Variants in PHKB observed in about 807,000 individuals in gnomAD.
PHKB encodes the protein phosphorylase kinase regulatory subunit beta, also known as phosphorylase b kinase regulatory subunit beta.
In PHKB, 122 loss-of-function variants were observed where a neutral mutation model predicts 152.1. The observed-to-expected ratio is 0.80, with a 90% CI of 0.69 to 0.93. The LOEUF (loss-of-function observed/expected upper bound fraction) is 0.93. Among genes scored for constraint, PHKB ranks in the 40% least tolerant of loss-of-function variants. The pLI, the probability that PHKB is intolerant of heterozygous loss-of-function variation, is 0.00. For synonymous variants in PHKB, 436 were observed against 464.9 expected (o/e 0.94, Z 0.80); for missense variants, 1,304 against 1,328.4 (o/e 0.98, Z 0.29).
chr16:47,499,322 G>A (rs1276682871), intron 2 of PHKB, among the ~76,000 whole-genome samples: 1 of 152,172 alleles, frequency 6.6e-6, no homozygotes, highest in East Asian at 1.9e-4. Flanking sequence ...TGTAGCAGTT[G>A]AGGTGGCTTT....
Position 47,633,876 on chromosome 16 carries a change from T to C in PHKB, c.1459-7159T>C, listed in dbSNP as rs139257664. Among the ~76,000 whole-genome samples the C allele has an allele frequency of 2.4e-3, 360 of 152,330 alleles. 1 individual carries two copies. The highest frequency in any genetic ancestry group is 4.5e-3 in the Non-Finnish European group (304 of 68,026). ...ATATCTGTTTACTAACTCTTCTCTG[T>C]CTCTTTTCTTCATGCATTCAAGAAA... On this transcript the variant is annotated intron_variant, in intron 14 of 30. Coordinates refer to ENST00000323584, the MANE Select transcript of PHKB (RefSeq NM_000293.3).
intron 7 of PHKB, among the ~76,000 whole-genome samples, chr16:47,569,925 G>A (rs1035864834): frequency 6.6e-6 from 1 of 152,150 alleles, no homozygotes; most frequent in Admixed American, 6.5e-5. Context: ...GCCTGGCCTA[G>A]CCCTTTCATT....
chr16:47,640,079 G>C (rs776309700), intron 14 of PHKB, among the ~76,000 whole-genome samples: 1 of 152,168 alleles, frequency 6.6e-6, no homozygotes, highest in Non-Finnish European at 1.5e-5. Context: ...GCACTTTGAC[G>C]ATGATTCTGG....
intron 13 of PHKB, among the ~76,000 whole-genome samples, chr16:47,603,128 TC>T (rs1482278317): frequency 6.6e-6 from 1 of 152,198 alleles, no homozygotes; most frequent in Non-Finnish European, 1.5e-5. Flanking sequence ...TCATCAAGTG[TC>T]CCCTAGTGTA....
chr16:47,481,171 G>A (rs931850253), intron 1 of PHKB, among the ~76,000 whole-genome samples: 2 of 151,994 alleles, frequency 1.3e-5, no homozygotes, highest in Non-Finnish European at 2.9e-5. Flanking sequence ...TAGGCATGAC[G>A]GTTGTTAGTG....
chr16:47,682,769 A>T (rs1355659746), intron 26 of PHKB, among the ~76,000 whole-genome samples: 1 of 152,152 alleles, frequency 6.6e-6, no homozygotes, highest in Non-Finnish European at 1.5e-5. Context: ...ACCTCATCAA[A>T]GTCATTCTCT....
At chr16:47,566,730 T>TTCC (rs1367267376) in intron 7 of PHKB, 32 of 764,894 alleles carry the variant, frequency 4.2e-5, no homozygotes, top group Non-Finnish European at 7.2e-5. Flanking sequence ...ATCATTACTG[T>TTCC]TCCAAGTTGT....
chr16:47,582,223 T>C (rs1971859674), intron 8 of PHKB, among the ~76,000 whole-genome samples: 2 of 152,198 alleles, frequency 1.3e-5, no homozygotes. Context: ...AGTAGCCAGC[T>C]CTTTTTTGCA....
chr16:47,495,532 G>A (rs1019762404), intron 1 of PHKB, among the ~76,000 whole-genome samples: 1 of 151,896 alleles, frequency 6.6e-6, no homozygotes, highest in Non-Finnish European at 1.5e-5. Flanking sequence ...CCTCAGCAAA[G>A]GTGTCCCCTT....
chr16:47,672,636 G>A (rs59513730), intron 26 of PHKB, among the ~76,000 whole-genome samples: 2,366 of 152,196 alleles, frequency 0.016, 65 homozygotes, highest in African/African-American at 0.055. Flanking sequence ...TTACACTGCT[G>A]TGTTTTTCAG....
intron 1 of PHKB, among the ~76,000 whole-genome samples, chr16:47,469,102 T>C (rs1969719897): frequency 6.6e-6 from 1 of 152,200 alleles, no homozygotes; most frequent in Admixed American, 6.5e-5. Context: ...GAATATAAGC[T>C]ATATAAAAGC....
intron 20 of PHKB, among the ~76,000 whole-genome samples, chr16:47,654,562 A>T (rs185994509): frequency 6.6e-6 from 1 of 152,268 alleles, no homozygotes; most frequent in East Asian, 1.9e-4. Flanking sequence ...CAAATGTCCA[A>T]CAATGATAGA....
At chr16:47,624,292 C>G (rs949162986) in intron 14 of PHKB, among the ~76,000 whole-genome samples, 1 of 152,018 alleles carries the variant, frequency 6.6e-6, no homozygotes, top group Non-Finnish European at 1.5e-5. Context: ...AATTATGGCT[C>G]CTAATCATAT....
At chr16:47,674,078 C>A (rs922503858) in intron 26 of PHKB, among the ~76,000 whole-genome samples, 1 of 151,926 alleles carries the variant, frequency 6.6e-6, no homozygotes, top group Non-Finnish European at 1.5e-5. Context: ...CCTTTATGAT[C>A]TCTCATACAT....
At chr16:47,532,118 A>G (rs1295739799) in intron 6 of PHKB, among the ~76,000 whole-genome samples, 1 of 152,220 alleles carries the variant, frequency 6.6e-6, no homozygotes, top group Non-Finnish European at 1.5e-5. Context: ...GGGAAATTCA[A>G]ATTTAAACCC....
intron 16 of PHKB, among the ~76,000 whole-genome samples, chr16:47,645,073 A>C (rs989893373): frequency 2.6e-5 from 4 of 152,236 alleles, no homozygotes; most frequent in African/African-American, 9.6e-5. Context: ...AAAGGGAACA[A>C]ATGAAAAAAG....
intron 26 of PHKB, among the ~76,000 whole-genome samples, chr16:47,673,346 GTC>G (rs958025622): frequency 1.1e-4 from 16 of 152,230 alleles, no homozygotes; most frequent in African/African-American, 3.4e-4. Flanking sequence ...AAGAGAGCAT[GTC>G]TCTGTACTCT....
Position 47,554,699 on chromosome 16 carries a change from G to T in PHKB, c.710+7151G>T, listed in dbSNP as rs1971337266. On this transcript the variant is annotated intron_variant, in intron 7 of 30. Transcript: ENST00000323584. ...GTGTGTTGCAAAGACTATGGGAAAA[G>T]TGTAGTATCTGGGCCAGATTGTATC... 2.0e-5 allele frequency among the ~76,000 whole-genome samples: 3 copies of T among 152,216 alleles called. No individual in the cohort carries two copies. The South Asian group carries it at 6.2e-4, about 32-fold the overall frequency.
rs1487061110 is a variant in PHKB at position 47,580,574 on chromosome 16, AAG to A, written c.774+218_774+219del. 3.3e-5 allele frequency among the ~76,000 whole-genome samples: 5 copies of A among 151,548 alleles called. No homozygotes were observed. In the South Asian group the frequency reaches 6.2e-4, roughly 19 times the overall value. Reference sequence around the variant, plus strand: ...TAATTTCTTTAAAAAAAAAAAAAAAAAGAAAATTTTTTTTGATAAAGAATTCT... The same window carrying A: ...TAATTTCTTTAAAAAAAAAAAAAAAAAAAATTTTTTTTGATAAAGAATTCT... On this transcript the variant is annotated intron_variant, in intron 8 of 30. Coordinates refer to ENST00000323584, the MANE Select transcript of PHKB (RefSeq NM_000293.3).
Sources: gnomAD v4.1 joint callset for allele counts (sites outside exome capture counted in the v4.1 genomes callset) on GRCh38, gnomAD v4.1.1 for gene constraint, MANE v1.5 for transcripts, NCBI Gene and HGNC (gene_info 2026-07-23, HGNC 2026-07-21) for gene names.